Variants in HS3ST3A1 observed in about 807,000 individuals in gnomAD.
HS3ST3A1 encodes the protein heparan sulfate glucosamine 3-O-sulfotransferase 3A1.
In HS3ST3A1, 19 loss-of-function variants were observed where a neutral mutation model predicts 25.7. The ratio of observed to expected loss-of-function variants is 0.74; its 90% CI spans 0.52 to 1.08. The LOEUF is 1.08. HS3ST3A1 is among the 50% of genes least tolerant of loss of function. The probability of loss-of-function intolerance (pLI) is 0.00; values close to 1 mark genes in which losing one functional copy is unlikely to be tolerated. For missense variants in HS3ST3A1, 459 were observed against 594.3 expected, an observed-to-expected ratio of 0.77 and a Z score of 2.37; for synonymous variants, 226 against 278.6, an observed-to-expected ratio of 0.81 and a Z score of 1.88.
intron 1 of HS3ST3A1, among the ~76,000 whole-genome samples, chr17:13,589,681 A>G (rs1049821957): frequency 7.2e-5 from 11 of 152,154 alleles, no homozygotes; most frequent in Non-Finnish European, 1.5e-4. Flanking sequence ...ACACACACAC[A>G]CGCACACACA....
intron 1 of HS3ST3A1, among the ~76,000 whole-genome samples, chr17:13,518,686 A>G (rs183344301): frequency 6.6e-6 from 1 of 152,244 alleles, no homozygotes; most frequent in African/African-American, 2.4e-5. Flanking sequence ...CACTGTGAGG[A>G]CATCTCTGGA....
intron 1 of HS3ST3A1, among the ~76,000 whole-genome samples, chr17:13,585,854 T>C (rs1453700856): frequency 7.2e-6 from 1 of 139,652 alleles, no homozygotes; most frequent in African/African-American, 2.7e-5. Flanking sequence ...TTTTTTTTTT[T>C]TTTTTTTTTT....
At chr17:13,554,809 T>C (rs112886872) in intron 1 of HS3ST3A1, among the ~76,000 whole-genome samples, 3,726 of 152,230 alleles carry the variant, frequency 0.024, 174 homozygotes, top group African/African-American at 0.085. Context: ...ACCACCTTCC[T>C]CCACCATACC....
At chr17:13,578,562 CAAAA>C (rs536270780) in intron 1 of HS3ST3A1, among the ~76,000 whole-genome samples, 3 of 85,824 alleles carry the variant, frequency 3.5e-5, no homozygotes, top group Non-Finnish European at 4.8e-5. Context: ...GACTCCATCT[CAAAA>C]AAAAAAAAAA....
rs1906030735 is a variant in HS3ST3A1 at position 13,515,661 on chromosome 17, G to T, written c.600-18843C>A. Among the ~76,000 whole-genome samples, 3 of 152,062 alleles carry T rather than the reference G, an allele frequency of 2.0e-5. No homozygotes were observed. The South Asian group carries it at 6.2e-4, about 32-fold the overall frequency. On this transcript the variant is annotated intron_variant, in intron 1 of 1. Coordinates refer to ENST00000284110, the MANE Select transcript of HS3ST3A1 (RefSeq NM_006042.3). ...GTTTTACCATAGGCTAAATAGTAAGGAGCAAAATTGCTGGGTCATTTAACA... is the reference window on the plus strand; with the variant it reads ...GTTTTACCATAGGCTAAATAGTAAGTAGCAAAATTGCTGGGTCATTTAACA...
chr17:13,500,080 G>T (rs1451936526), intron 1 of HS3ST3A1, among the ~76,000 whole-genome samples: 1 of 151,922 alleles, frequency 6.6e-6, no homozygotes, highest in Non-Finnish European at 1.5e-5. Context: ...TTTCAAACAA[G>T]TCAATGAAGG....
chr17:13,546,949 A>G (rs4792370), intron 1 of HS3ST3A1, among the ~76,000 whole-genome samples: 66,649 of 152,098 alleles, frequency 0.44, 16,202 homozygotes, highest in African/African-American at 0.66. Flanking sequence ...TAAGCAGTAT[A>G]AAACTTCATA....
intron 1 of HS3ST3A1, among the ~76,000 whole-genome samples, chr17:13,532,372 G>A (rs1387169786): frequency 1.3e-5 from 2 of 152,158 alleles, no homozygotes; most frequent in Non-Finnish European, 2.9e-5. Context: ...GGCTGACCAG[G>A]AGAATGCTGA....
chr17:13,558,956 C>T (rs1033659765), intron 1 of HS3ST3A1, among the ~76,000 whole-genome samples: 3 of 152,202 alleles, frequency 2.0e-5, no homozygotes, highest in Non-Finnish European at 1.5e-5. Flanking sequence ...AATAATACTG[C>T]TCTGTGCTCA....
chr17:13,512,312 A>AAACAAAC (rs1555537354), intron 1 of HS3ST3A1, among the ~76,000 whole-genome samples: 2 of 150,386 alleles, frequency 1.3e-5, no homozygotes, highest in Non-Finnish European at 3.0e-5. Flanking sequence ...TCTCAAAAAA[A>AAACAAAC]AAAAAAAAAA....
rs1390543838 is a variant in HS3ST3A1 at position 13,600,971 on chromosome 17, G to A, written c.159C>T (p.Val53=). 1 of 1,554,886 alleles carries A rather than the reference G, an allele frequency of 6.4e-7. No homozygotes were observed. The highest frequency in any genetic ancestry group is 1.2e-5 in the South Asian group (1 of 84,360). ...AERCQTLSGP[V]VGLSGGGEEA... is the part of the protein sequence containing the mutation. ...CCTCGCCGCCGCCGGACAGCCCCAC[G>A]ACGGGGCCGGACAGGGTCTGGCAGC... Residue 53 remains valine, a synonymous_variant, in exon 1 of 2, where the codon GTC becomes GTT. Coordinates refer to ENST00000284110, the MANE Select transcript of HS3ST3A1 (RefSeq NM_006042.3).
At chr17:13,585,353 C>G (rs1908229182) in intron 1 of HS3ST3A1, among the ~76,000 whole-genome samples, 1 of 151,368 alleles carries the variant, frequency 6.6e-6, no homozygotes, top group Non-Finnish European at 1.5e-5. Flanking sequence ...GCATGCACCA[C>G]CACGCCCGGC....
At chr17:13,593,083 G>A (rs950627034) in intron 1 of HS3ST3A1, among the ~76,000 whole-genome samples, 2 of 152,128 alleles carry the variant, frequency 1.3e-5, no homozygotes, top group Admixed American at 6.5e-5. Context: ...TAAAACAAGC[G>A]AAGTAAGCAG....
chr17:13,546,790 C>T (rs1907100832), intron 1 of HS3ST3A1, among the ~76,000 whole-genome samples: 1 of 152,106 alleles, frequency 6.6e-6, no homozygotes. Context: ...TAGTACAGTG[C>T]CAAGCAGCAG....
chr17:13,498,137 A>G (rs144488450), intron 1 of HS3ST3A1, among the ~76,000 whole-genome samples: 235 of 152,332 alleles, frequency 1.5e-3, no homozygotes, highest in African/African-American at 5.5e-3. Flanking sequence ...CAGGCCAGTT[A>G]GATTATTTTA....
At chr17:13,586,888 A>AAAAC (rs1908289382) in intron 1 of HS3ST3A1, among the ~76,000 whole-genome samples, 1 of 139,336 alleles carries the variant, frequency 7.2e-6, no homozygotes, top group African/African-American at 2.8e-5. Context: ...AAAAAAAAAA[A>AAAAC]AAAAAAAAAG....
chr17:13,596,150 A>G (rs1403499989), intron 1 of HS3ST3A1, among the ~76,000 whole-genome samples: 3 of 152,160 alleles, frequency 2.0e-5, no homozygotes, highest in Admixed American at 6.5e-5. Flanking sequence ...AATTTCACAT[A>G]AAGTATAAGA....
At chr17:13,521,418 G>A (rs1330100515) in intron 1 of HS3ST3A1, among the ~76,000 whole-genome samples, 2 of 152,198 alleles carry the variant, frequency 1.3e-5, no homozygotes, top group Non-Finnish European at 2.9e-5. Context: ...TAGAGGGCCA[G>A]GCAGGTCAGA....
intron 1 of HS3ST3A1, among the ~76,000 whole-genome samples, chr17:13,579,137 T>C (rs1297650011): frequency 6.6e-6 from 1 of 152,206 alleles, no homozygotes; most frequent in Admixed American, 6.5e-5. Context: ...TTCAGCATCA[T>C]AAAGATGTGG....
Sources: allele counts gnomAD v4.1 joint callset (sites outside exome capture counted in the v4.1 genomes callset), GRCh38; gene constraint gnomAD v4.1.1; transcripts MANE v1.5; gene names NCBI Gene and HGNC (gene_info 2026-07-23, HGNC 2026-07-21).